The following DDX55 variants were observed in gnomAD, a reference collection of about 807,000 sequenced individuals.
DDX55 encodes the protein ATP-dependent RNA helicase DDX55.
DDX55 carries 56 observed loss-of-function variants against 69.2 expected under a neutral mutation model. The observed-to-expected ratio is 0.81, with a 90% CI of 0.65 to 1.01. The LOEUF (loss-of-function observed/expected upper bound fraction) is 1.01, where lower values mean the gene tolerates loss of function less well. Among genes scored for constraint, DDX55 ranks in the 50% least tolerant of loss-of-function variants. The pLI is 0.00. For missense variants in DDX55, 720 were observed against 745.1 expected, an observed-to-expected ratio of 0.97 and a Z score of 0.39; for synonymous variants, 268 against 273.1, an observed-to-expected ratio of 0.98 and a Z score of 0.18.
At chr12:123,603,753 G>C (rs1953716361) in intron 1 of DDX55, among the ~76,000 whole-genome samples, 1 of 151,988 alleles carries the variant, frequency 6.6e-6, no homozygotes, top group Non-Finnish European at 1.5e-5. Flanking sequence ...GTGCGTATCA[G>C]GTTTCAGAGG....
Position 123,620,138 on chromosome 12 carries a change from T to C in DDX55, c.1801T>C (p.Ter601ArgextTer6). Residue 601 changes from the stop codon to arginine, a stop_lost, in exon 14 of 14, where the codon TGA (stop) becomes CGA (arginine). Coordinates refer to ENST00000238146, the MANE Select transcript of DDX55 (RefSeq NM_020936.3). ...LGISDLEDDC* is the reference protein window; with the variant it reads ...LGISDLEDDCR The stretch of plus-strand genomic sequence containing the variant: ...GATCTCAGATTTGGAAGATGACTGC[T>C]GATTCCAGTGCCACAGATGAACCCA... The C allele has an allele frequency of 6.2e-7, 1 of 1,613,456 alleles. No homozygotes were observed. Among genetic ancestry groups the C allele is most frequent in the Non-Finnish European group, 8.5e-7 (1 of 1,179,572 alleles).
chr12:123,618,366 T>A (rs765396145), intron 11 of DDX55: 14 of 688,454 alleles, frequency 2.0e-5, no homozygotes, highest in South Asian at 1.9e-4. Flanking sequence ...TGACCAAGTC[T>A]CCTGTGTGGT....
rs1318280077 is a variant in DDX55, at chr12:123,618,809, T to C, written c.1305T>C (p.His435=). ...FVSYVQAYAK[H]ECNLIFRLKD... Reference sequence around the variant, plus strand: ...CATATGTCCAAGCTTATGCAAAGCATGAATGCAACCTGATTTTCAGATTAA... The same window carrying C: ...CATATGTCCAAGCTTATGCAAAGCACGAATGCAACCTGATTTTCAGATTAA... The change falls in exon 12 of 14, where the codon CAT becomes CAC. Residue 435 remains histidine, a synonymous_variant. Coordinates refer to ENST00000238146, the MANE Select transcript of DDX55 (RefSeq NM_020936.3). 6.2e-7 allele frequency: 1 copy of C among 1,614,050 alleles called. No individual in the cohort carries two copies. The highest frequency in any genetic ancestry group is 1.3e-5 in the African/African-American group (1 of 74,948).
chr12:123,618,640 G>C, intron 11 of DDX55, 29 bp from the exon 12 acceptor site: 1 of 1,600,672 alleles, frequency 6.2e-7, no homozygotes. Flanking sequence ...GCCAGGGAAG[G>C]TGAGAATGTG....
chr12:123,618,635 G>A (rs762950044), intron 11 of DDX55, 34 bp from the exon 12 acceptor site: 18 of 1,597,630 alleles, frequency 1.1e-5, no homozygotes, highest in Non-Finnish European at 1.5e-5. Flanking sequence ...TGCCAGCCAG[G>A]GAAGGTGAGA....
Position 123,616,602 on chromosome 12 carries a change from A to G in DDX55, c.1048A>G (p.Ser350Gly). Residue 350 changes from serine (S) to glycine (G), a missense_variant and splice_region_variant, in exon 10 of 14, where the codon AGT (serine) becomes GGT (glycine). Physicochemically the swap from Ser to Gly is moderately conservative, Grantham distance 56. Transcript: ENST00000238146. ...GCAGTATGACCCTCCCAGCAATGCA[A>G]GGTATGGTACGAGGCTGCCACCCAC... is the stretch of plus-strand genomic sequence containing the variant. ...VLQYDPPSNA[S>G]AFVHRCGRTA... The G allele has an allele frequency of 6.2e-7, 1 of 1,614,052 alleles. No individual in the cohort carries two copies. The highest frequency in any genetic ancestry group is 8.5e-7 in the Non-Finnish European group (1 of 1,179,918).
intron 7 of DDX55, among the ~76,000 whole-genome samples, chr12:123,610,363 C>G (rs1954138027): frequency 6.6e-6 from 1 of 152,112 alleles, no homozygotes; most frequent in Non-Finnish European, 1.5e-5. Flanking sequence ...ACCTCCTACC[C>G]TCAAGTGACC....
chr12:123,618,426 C>T (rs1222872282), intron 11 of DDX55: 2 of 1,146,014 alleles, frequency 1.7e-6, no homozygotes, highest in Non-Finnish European at 2.5e-6. Flanking sequence ...TGAATAGAGA[C>T]CCAGTGTTGC....
chr12:123,608,562 G>C (rs191633249), intron 5 of DDX55, 118 bp from the exon 6 acceptor site: 1 of 1,239,698 alleles, frequency 8.1e-7, no homozygotes, highest in Admixed American at 2.0e-5. Flanking sequence ...CATGCTCTTC[G>C]TTCTCTTCAC....
intron 13 of DDX55, 92 bp downstream of exon 13, chr12:123,619,816 T>A: frequency 2.6e-6 from 4 of 1,517,474 alleles, no homozygotes; most frequent in Non-Finnish European, 3.5e-6. Flanking sequence ...GCTGTCAGAT[T>A]TCTGTTACGT....
In DDX55 at chr12:123,620,606, AT is replaced by A. The variant is rs1566211124; in HGVS notation, c.*467del. 2.6e-3 allele frequency: 197 copies of A among 75,908 alleles called. 6 individuals carry two copies. The highest frequency in any genetic ancestry group is 7.3e-3 in the African/African-American group (178 of 24,492). 4.7% of individuals were successfully genotyped at this position (75,908 alleles called of 1,614,324 possible). On this transcript the variant is annotated 3_prime_UTR_variant, in exon 14 of 14. Coordinates refer to ENST00000238146, the MANE Select transcript of DDX55 (RefSeq NM_020936.3). ...TATATATATATATATATATATATAT[AT>A]ATATATATATATATATATATAAGCT...
intron 3 of DDX55, 29 bp from the exon 4 acceptor site, chr12:123,607,403 G>T (rs116046932): frequency 6.2e-7 from 1 of 1,611,986 alleles, no homozygotes; most frequent in Non-Finnish European, 8.5e-7. Context: ...TTGTGCTGCT[G>T]ACTGTGTCCC....
intron 8 of DDX55, among the ~76,000 whole-genome samples, chr12:123,614,900 AG>A (rs1431434285): frequency 1.3e-5 from 2 of 152,222 alleles, no homozygotes; most frequent in Non-Finnish European, 2.9e-5. Context: ...TCTCGGGGTC[AG>A]GGAGATTTCC....
chr12:123,606,211 T>C (rs755475769), intron 3 of DDX55, 52 bp downstream of exon 3: 36 of 1,598,370 alleles, frequency 2.3e-5, no homozygotes, highest in Admixed American at 1.9e-4. Context: ...AGAGTTCACA[T>C]TGGATTAAGA....
intron 10 of DDX55, among the ~76,000 whole-genome samples, chr12:123,617,260 G>GAA (rs1357615031): frequency 1.3e-5 from 2 of 152,228 alleles, no homozygotes; most frequent in East Asian, 3.8e-4. Context: ...AATATTATCA[G>GAA]TTCTTGCAGA....
At chr12:123,604,008 G>C (rs10161548) in intron 1 of DDX55, among the ~76,000 whole-genome samples, 10,710 of 151,976 alleles carry the variant, frequency 0.07, 571 homozygotes, top group African/African-American at 0.14. Context: ...TCGCCATGTT[G>C]GCCAGACTGG....
intron 1 of DDX55, among the ~76,000 whole-genome samples, chr12:123,604,077 G>A (rs1953741838): frequency 1.3e-5 from 2 of 152,066 alleles, no homozygotes; most frequent in African/African-American, 4.8e-5. Flanking sequence ...TGGGATTACA[G>A]GAGTGAGCCA....
intron 3 of DDX55, among the ~76,000 whole-genome samples, chr12:123,607,186 G>C (rs1953943906): frequency 6.6e-6 from 1 of 152,330 alleles, no homozygotes; most frequent in South Asian, 2.1e-4. Flanking sequence ...TTTCCCCTGT[G>C]AGCAGTGGTT....
At chr12:123,609,880 C>T in intron 6 of DDX55, 59 bp from the exon 7 acceptor site, 1 of 1,558,816 alleles carries the variant, frequency 6.4e-7, no homozygotes, top group East Asian at 2.2e-5. Flanking sequence ...TATCGTGAAG[C>T]ACTGTGTGTT....
Sources: gnomAD v4.1 joint callset for allele counts (sites outside exome capture counted in the v4.1 genomes callset) on GRCh38, gnomAD v4.1.1 for gene constraint, MANE v1.5 for transcripts, NCBI Gene and HGNC (gene_info 2026-07-23, HGNC 2026-07-21) for gene names.